EDDM13: variants seen among roughly 807,000 people sequenced by gnomAD.
EDDM13 encodes the protein epididymal protein 13.
A neutral mutation model predicts 17.8 loss-of-function variants in EDDM13; 24 were observed. The ratio of observed to expected loss-of-function variants is 1.35; its 90% CI spans 0.98 to 1.90. EDDM13 has a LOEUF of 1.90. Ranked by LOEUF, EDDM13 falls within the 40% of genes most tolerant of loss-of-function variation. The pLI, the probability that EDDM13 is intolerant of heterozygous loss-of-function variation, is 0.00. For synonymous variants in EDDM13, 31 were observed against 37.5 expected (o/e 0.83, Z 0.63); for missense variants, 97 against 100.8 (o/e 0.96, Z 0.16).
intron 13 of EDDM13, among the ~76,000 whole-genome samples, chr19:56,304,096 C>T (rs2040521846): frequency 6.6e-6 from 1 of 152,162 alleles, no homozygotes; most frequent in Admixed American, 6.5e-5. Flanking sequence ...CTTCTCAATG[C>T]TGCCTGTGGA....
At position 56,284,454 on chromosome 19, in the gene EDDM13, G is replaced by C. The variant is rs141138000; in HGVS notation, c.127+248G>C. ...CTCATTCTTTATAAACTCAAAGTCT[G>C]GTGGGAAACAGAGATAAGTAAACAG... On this transcript the variant is annotated intron_variant, in intron 5 of 14. Transcript: ENST00000649256. Among the ~76,000 whole-genome samples the C allele has an allele frequency of 2.7e-3, 403 of 151,256 alleles. 1 individual carries two copies. The highest frequency in any genetic ancestry group is 9.4e-3 in the African/African-American group (388 of 41,226).
intron 9 of EDDM13, among the ~76,000 whole-genome samples, chr19:56,294,006 G>A (rs1023881497): frequency 6.6e-5 from 10 of 152,202 alleles, no homozygotes; most frequent in African/African-American, 2.2e-4. Context: ...TCTGCAGGAG[G>A]CCCCTCTGCC....
At chr19:56,282,324 T>G (rs867065144) in intron 3 of EDDM13, among the ~76,000 whole-genome samples, 167 bp from the exon 4 acceptor site, 5 of 152,106 alleles carry the variant, frequency 3.3e-5, no homozygotes, top group African/African-American at 9.7e-5. Context: ...TTAGAATGAA[T>G]TGCAGCTCCC....
At chr19:56,295,674 GC>G (rs1449013899) in intron 9 of EDDM13, among the ~76,000 whole-genome samples, 3 of 152,148 alleles carry the variant, frequency 2.0e-5, no homozygotes, top group Admixed American at 1.3e-4. Flanking sequence ...GCCTAACCTT[GC>G]TGCGGTGCAA....
intron 6 of EDDM13, among the ~76,000 whole-genome samples, chr19:56,285,599 C>A (rs1172529376): frequency 1.3e-5 from 2 of 152,010 alleles, no homozygotes; most frequent in Non-Finnish European, 2.9e-5. Flanking sequence ...GGATTCCTAA[C>A]ATATTTTGAT....
At position 56,301,986 on chromosome 19, in the gene EDDM13, C is replaced by T; in HGVS notation, c.314C>T (p.Thr105Ile). 8.1e-7 allele frequency: 1 copy of T among 1,232,068 alleles called. No homozygotes were observed. Among genetic ancestry groups the T allele is most frequent in the Non-Finnish European group, 1.0e-6 (1 of 988,270 alleles). 76.3% of individuals were successfully genotyped at this position (1,232,068 alleles called of 1,614,324 possible). The part of the protein sequence containing the change: ...CKEEVKPFSG[T>I]TPSRKPLPKR... ...TCTCCAGTTAAACCCTTCTCAGGCA[C>T]CACCCCATCCAGGAAACCACTCCCC... The change falls in exon 13 of 15, where the codon ACC becomes ATC. Residue 105 changes from threonine (T) to isoleucine (I), a missense_variant. Thr to Ile is a moderately conservative substitution (Grantham distance 89). Transcript: ENST00000649256.
chr19:56,302,122 G>A (rs1481181706), intron 13 of EDDM13, 27 bp downstream of exon 13: 4 of 1,228,980 alleles, frequency 3.3e-6, no homozygotes, highest in Admixed American at 8.4e-5. Flanking sequence ...ACGGAGGGGA[G>A]GAGTGTGAGG....
chr19:56,286,951 C>T (rs554984485), intron 6 of EDDM13, among the ~76,000 whole-genome samples: 33 of 152,366 alleles, frequency 2.2e-4, no homozygotes, highest in Middle Eastern at 6.8e-3. Context: ...GTTTTCTTCC[C>T]GGTAAACCAG....
intron 6 of EDDM13, among the ~76,000 whole-genome samples, chr19:56,287,020 C>T (rs1323279297): frequency 6.6e-6 from 1 of 152,236 alleles, no homozygotes; most frequent in Non-Finnish European, 1.5e-5. Context: ...GCCAGAAACA[C>T]TCAGATATTA....
intron 14 of EDDM13, among the ~76,000 whole-genome samples, 178 bp downstream of exon 14, chr19:56,305,008 C>T (rs1406126693): frequency 6.6e-6 from 1 of 152,186 alleles, no homozygotes; most frequent in African/African-American, 2.4e-5. Flanking sequence ...AAGCCACTGC[C>T]TGACAGGGGC....
chr19:56,297,069 CAA>C (rs35746489), intron 11 of EDDM13, among the ~76,000 whole-genome samples: 1 of 145,368 alleles, frequency 6.9e-6, no homozygotes, highest in African/African-American at 2.6e-5. Flanking sequence ...AACTCTGTCT[CAA>C]AAAAAAAAAG....
intron 13 of EDDM13, chr19:56,302,701 C>A (rs1427780639): frequency 4.2e-6 from 1 of 237,216 alleles, no homozygotes; most frequent in East Asian, 6.4e-5. Context: ...CTCCTTCCTT[C>A]TCTTTCCTTC....
At chr19:56,299,329 C>T (rs1022338762) in intron 12 of EDDM13, among the ~76,000 whole-genome samples, 5 of 151,824 alleles carry the variant, frequency 3.3e-5, no homozygotes, top group Non-Finnish European at 5.9e-5. Flanking sequence ...GTTTGGGTCT[C>T]CCTATGTTGC....
intron 5 of EDDM13, among the ~76,000 whole-genome samples, chr19:56,284,504 C>A (rs1039720462): frequency 1.1e-4 from 14 of 128,400 alleles, no homozygotes; most frequent in Admixed American, 6.9e-4. Flanking sequence ...ACAAGTGATG[C>A]TTGCTGTAAT....
intron 12 of EDDM13, among the ~76,000 whole-genome samples, chr19:56,299,283 C>T (rs1264717272): frequency 6.6e-6 from 1 of 151,848 alleles, no homozygotes; most frequent in Non-Finnish European, 1.5e-5. Flanking sequence ...AGGCACGAGA[C>T]ACCACACCCA....
chr19:56,308,987 T>C (rs1194400754), intron 14 of EDDM13, among the ~76,000 whole-genome samples: 1 of 152,242 alleles, frequency 6.6e-6, no homozygotes, highest in African/African-American at 2.4e-5. Context: ...TTTCAGGTCA[T>C]ATGGTCTGTT....
At chr19:56,284,142 G>C (rs1192038174) in intron 4 of EDDM13, 56 bp from the exon 5 acceptor site, 1 of 985,204 alleles carries the variant, frequency 1.0e-6, no homozygotes, top group Non-Finnish European at 1.2e-6. Flanking sequence ...CAACATTCTG[G>C]ACCACGCATG....
rs773533351 is a variant in EDDM13 at position 56,294,837 on chromosome 19, G to A, written c.233-1122G>A. On this transcript the variant is annotated intron_variant, in intron 9 of 14. Transcript: ENST00000649256. ...TGCTGACACAGGACACAACATAAAC[G>A]CGCCTTGAAAACACAGTGCTCAGTC... Among the ~76,000 whole-genome samples the A allele has an allele frequency of 7.9e-5, 12 of 152,290 alleles. 1 individual carries two copies. The highest frequency in any genetic ancestry group is 4.2e-4 in the South Asian group (2 of 4,818).
Position 56,310,125 on chromosome 19 carries a change from G to C in EDDM13, c.463G>C (p.Asp155His), listed in dbSNP as rs1470032721. The change falls in exon 15 of 15, where the codon GAT becomes CAT. Residue 155 changes from aspartate to histidine, a missense_variant and splice_region_variant. Coordinates refer to ENST00000649256, the MANE Select transcript of EDDM13 (RefSeq NM_001354658.2). The stretch of plus-strand genomic sequence containing the variant: ...ATACATTTCTCTCTCCTTTCTTAGG[G>C]ATGATCCCTGCTGTTCTTTCTAGTG... ...HYCNLELDIRDDPCCSF is the reference protein window; with the variant it reads ...HYCNLELDIRHDPCCSF 6.6e-6 allele frequency: 1 copy of C among 152,316 alleles called. No individual in the cohort carries two copies. Among genetic ancestry groups the C allele is most frequent in the East Asian group, 1.9e-4 (1 of 5,198 alleles). The allele number at this position is 152,316 out of a possible 1,614,324, so 9.4% of individuals were successfully genotyped here. A position where few individuals can be genotyped will look rare whatever the true frequency, so the allele number is the denominator to read the frequency against.
Sources: allele counts gnomAD v4.1 joint callset (sites outside exome capture counted in the v4.1 genomes callset), GRCh38; gene constraint gnomAD v4.1.1; transcripts MANE v1.5; gene names NCBI Gene and HGNC (gene_info 2026-07-23, HGNC 2026-07-21).